Variants in NIBAN1 observed in about 807,000 individuals in gnomAD.
NIBAN1 encodes the protein niban apoptosis regulator 1.
Under a neutral mutation model 75.1 loss-of-function variants are expected in NIBAN1, and 81 were observed. That is an observed-to-expected ratio of 1.08 (90% confidence interval 0.90 to 1.30). The LOEUF is 1.30. Among genes scored for constraint, NIBAN1 ranks in the 50% most tolerant of loss-of-function variants. NIBAN1 has a pLI of 0.00. For missense variants in NIBAN1, 1,133 were observed against 1,128.1 expected (o/e 1.00, Z -0.06); for synonymous variants, 436 against 424.8 (o/e 1.03, Z -0.32).
chr1:184,960,018 T>A (rs1025738030), intron 1 of NIBAN1, among the ~76,000 whole-genome samples: 3 of 152,232 alleles, frequency 2.0e-5, no homozygotes, highest in Non-Finnish European at 2.9e-5. Context: ...CCTTTAATTT[T>A]TTTTATATTG....
rs994490747 is a variant in NIBAN1, at chr1:184,945,394, A to C, written c.55+28908T>G. On this transcript the variant is annotated intron_variant, in intron 1 of 13. Transcript: ENST00000367511. ...AAGTTTTGATAAAGAGTTTCTAAAA[A>C]TAATTACTGTTAAATTACATGTAGG... 6.6e-5 allele frequency among the ~76,000 whole-genome samples: 10 copies of C among 152,364 alleles called. No homozygotes were observed. The East Asian group carries it at 1.3e-3, about 21-fold the overall frequency.
At chr1:184,897,277 A>AGTGTGTGTGTGTGTGT (rs34548568) in intron 2 of NIBAN1, among the ~76,000 whole-genome samples, 1 of 132,584 alleles carries the variant, frequency 7.5e-6, no homozygotes, top group African/African-American at 2.8e-5. Flanking sequence ...TGTACTCCTA[A>AGTGTGTGTGTGTGTGT]GTGTGTGTGT....
chr1:184,831,521 C>T (rs1364397698), intron 6 of NIBAN1, among the ~76,000 whole-genome samples: 1 of 152,200 alleles, frequency 6.6e-6, no homozygotes, highest in African/African-American at 2.4e-5. Context: ...TCGCACTATT[C>T]CTCGGTACTC....
intron 1 of NIBAN1, among the ~76,000 whole-genome samples, chr1:184,908,021 C>T (rs995866786): frequency 1.3e-5 from 2 of 152,218 alleles, no homozygotes; most frequent in Non-Finnish European, 2.9e-5. Context: ...AGCCAGGACC[C>T]TCGTAGGGCT....
chr1:184,824,637 T>C (rs191120432), intron 6 of NIBAN1, among the ~76,000 whole-genome samples: 300 of 152,250 alleles, frequency 2.0e-3, no homozygotes, highest in African/African-American at 7.0e-3. Context: ...CCAGGGGAAG[T>C]GTGTGCGTTT....
In NIBAN1 at chr1:184,934,895, A is replaced by AAAAT. The variant is rs546897679; in HGVS notation, c.56-35590_56-35587dup. Among the ~76,000 whole-genome samples, 107 of 150,970 alleles carry AAAAT rather than the reference A, an allele frequency of 7.1e-4. 1 individual carries two copies. The highest frequency in any genetic ancestry group is 2.3e-3 in the African/African-American group (96 of 41,016). ...GGGAGACAGAGAGACTCCATCTCAA[A>AAAAT]AAATAAATAAATAAATAAATAAAAA... On this transcript the variant is annotated intron_variant, in intron 1 of 13. Coordinates refer to ENST00000367511, the MANE Select transcript of NIBAN1 (RefSeq NM_052966.4).
At chr1:184,892,345 C>T (rs1400916106) in intron 3 of NIBAN1, among the ~76,000 whole-genome samples, 5 of 152,126 alleles carry the variant, frequency 3.3e-5, no homozygotes, top group Admixed American at 3.3e-4. Flanking sequence ...GGCAAGGGCG[C>T]CTATCTAGTA....
chr1:184,875,561 T>C (rs1371989832), intron 5 of NIBAN1, among the ~76,000 whole-genome samples: 3 of 152,210 alleles, frequency 2.0e-5, no homozygotes, highest in African/African-American at 4.8e-5. Context: ...GCAGAAATGA[T>C]TCTTTTTGGT....
chr1:184,921,105 G>C (rs1489642521), intron 1 of NIBAN1, among the ~76,000 whole-genome samples: 3 of 149,966 alleles, frequency 2.0e-5, no homozygotes, highest in Non-Finnish European at 4.4e-5. Flanking sequence ...CTCCAGCCTG[G>C]GTGACAGAGC....
intron 5 of NIBAN1, among the ~76,000 whole-genome samples, chr1:184,880,328 T>G (rs1288590734): frequency 2.0e-5 from 3 of 152,238 alleles, no homozygotes; most frequent in Admixed American, 1.3e-4. Flanking sequence ...TGCTACCCTC[T>G]CATCCACTGC....
intron 1 of NIBAN1, among the ~76,000 whole-genome samples, chr1:184,964,160 C>T (rs1227313841): frequency 6.6e-6 from 1 of 151,906 alleles, no homozygotes; most frequent in Non-Finnish European, 1.5e-5. Flanking sequence ...GAATGAGAAT[C>T]CTGTAAGTGT....
intron 12 of NIBAN1, among the ~76,000 whole-genome samples, chr1:184,800,624 TCCTTTC>T (rs1654011611): frequency 6.6e-6 from 1 of 152,012 alleles, no homozygotes; most frequent in Admixed American, 6.6e-5. Flanking sequence ...AAATAGGGAA[TCCTTTC>T]CCCATTGCTT....
At chr1:184,919,668 G>A (rs1038081849) in intron 1 of NIBAN1, among the ~76,000 whole-genome samples, 4 of 152,134 alleles carry the variant, frequency 2.6e-5, no homozygotes, top group Non-Finnish European at 4.4e-5. Context: ...AAGGGTTTCC[G>A]TGGTACTTTG....
intron 1 of NIBAN1, among the ~76,000 whole-genome samples, chr1:184,933,388 C>CGCAAA (rs938637532): frequency 6.6e-6 from 1 of 152,234 alleles, no homozygotes; most frequent in African/African-American, 2.4e-5. Flanking sequence ...CTACATTTTC[C>CGCAAA]GCAAAGCCCT....
In NIBAN1 at chr1:184,795,890, T is replaced by C; in HGVS notation, c.1874A>G (p.Glu625Gly). 6.2e-7 allele frequency: 1 copy of C among 1,613,752 alleles called. No individual in the cohort carries two copies. Among genetic ancestry groups the C allele is most frequent in the Non-Finnish European group, 8.5e-7 (1 of 1,179,838 alleles). The change falls in exon 14 of 14, where the codon GAG becomes GGG. Residue 625 changes from glutamate (E) to glycine (G), a missense_variant. Glu to Gly is a moderately conservative substitution (Grantham distance 98). Coordinates refer to ENST00000367511, the MANE Select transcript of NIBAN1 (RefSeq NM_052966.4). ...CGAGCTAGGGACCTCAGGCTGCTTC[T>C]CTTCCTCTGACTCCTGGAATACTTC... is the stretch of plus-strand genomic sequence containing the variant. ...SNEVFQESEE[E>G]KQPEVPSSLA... is the part of the protein sequence containing the mutation.
At chr1:184,811,977 C>T (rs1189160675) in intron 9 of NIBAN1, among the ~76,000 whole-genome samples, 1 of 152,114 alleles carries the variant, frequency 6.6e-6, no homozygotes, top group East Asian at 1.9e-4. Context: ...GCTTTTTCCT[C>T]CCTCCCGGAA....
intron 5 of NIBAN1, among the ~76,000 whole-genome samples, chr1:184,875,431 A>G (rs185642242): frequency 9.8e-5 from 15 of 152,296 alleles, no homozygotes; most frequent in Admixed American, 9.2e-4. Flanking sequence ...AGAAGCATCC[A>G]CTTCCCAGGA....
intron 1 of NIBAN1, among the ~76,000 whole-genome samples, chr1:184,929,558 C>A (rs1239994377): frequency 6.6e-6 from 1 of 151,868 alleles, no homozygotes; most frequent in Non-Finnish European, 1.5e-5. Context: ...TAGCAACTTC[C>A]TAGAAGATTT....
chr1:184,913,224 C>T (rs983645150), intron 1 of NIBAN1, among the ~76,000 whole-genome samples: 4 of 148,812 alleles, frequency 2.7e-5, no homozygotes, highest in Non-Finnish European at 4.5e-5. Flanking sequence ...CATGAAAATG[C>T]TAAGTCAAAG....
Sources: allele counts gnomAD v4.1 joint callset (sites outside exome capture counted in the v4.1 genomes callset), GRCh38; gene constraint gnomAD v4.1.1; transcripts MANE v1.5; gene names NCBI Gene and HGNC (gene_info 2026-07-23, HGNC 2026-07-21).